Variants in SLC38A12 observed in about 807,000 individuals in gnomAD.
SLC38A12 encodes solute carrier family 38 member 12, also known as putative sodium-coupled neutral amino acid transporter 12.
At chr17:74,825,240 C>A in the SLC38A12 span, among the ~76,000 whole-genome samples, 1 of 152,252 alleles carries the variant, frequency 6.6e-6, no homozygotes, top group Non-Finnish European at 1.5e-5. Flanking sequence ...CAGCCCTGCC[C>A]ACCCTCCAAC....
the SLC38A12 span, among the ~76,000 whole-genome samples, chr17:74,825,471 G>A: frequency 3.3e-5 from 5 of 152,244 alleles, no homozygotes; most frequent in African/African-American, 9.6e-5. Flanking sequence ...GGTAATGAAC[G>A]CTTGCTGGCA....
the SLC38A12 span, among the ~76,000 whole-genome samples, chr17:74,781,666 C>T: frequency 4.6e-5 from 7 of 152,100 alleles, no homozygotes; most frequent in Admixed American, 2.0e-4. Context: ...AGGTTTTTTT[C>T]CCTTCATAAG....
At chr17:74,836,510 C>T in the SLC38A12 span, 26 of 1,612,338 alleles carry the variant, frequency 1.6e-5, no homozygotes, top group Middle Eastern at 3.3e-4. This position sits in a 1 kb window ranked among gnomAD's most constrained non-coding sequence, Gnocchi z 4.2. Flanking sequence ...ACGTCATCCC[C>T]GCCTTCCTGG....
At chr17:74,817,930 G>A in the SLC38A12 span, among the ~76,000 whole-genome samples, 2 of 152,072 alleles carry the variant, frequency 1.3e-5, no homozygotes, top group Non-Finnish European at 2.9e-5. Flanking sequence ...CAAACACCCG[G>A]GCACACCAGG....
At chr17:74,777,035 C>T in the SLC38A12 span, among the ~76,000 whole-genome samples, 46 of 152,148 alleles carry the variant, frequency 3.0e-4, 1 homozygote, top group South Asian at 8.3e-3. Flanking sequence ...TGAAAACATC[C>T]GTGCTGGGCA....
the SLC38A12 span, chr17:74,819,950 G>A: frequency 9.6e-7 from 1 of 1,037,038 alleles, no homozygotes; most frequent in African/African-American, 1.6e-5. Context: ...GAGTGTGGTG[G>A]TGGTTTCCAT....
chr17:74,813,533 A>G, the SLC38A12 span, among the ~76,000 whole-genome samples: 1 of 151,440 alleles, frequency 6.6e-6, no homozygotes. Flanking sequence ...TCTGTCACCC[A>G]GGCTGGAATG....
chr17:74,812,708 G>A, the SLC38A12 span, among the ~76,000 whole-genome samples: 3 of 152,264 alleles, frequency 2.0e-5, no homozygotes, highest in South Asian at 2.1e-4. Context: ...CGAGTGCTCC[G>A]TGGTCAGCTC....
chr17:74,836,564 G>A, the SLC38A12 span: 2 of 1,613,306 alleles, frequency 1.2e-6, no homozygotes, highest in Non-Finnish European at 1.7e-6. The surrounding 1 kb of genome is among the most constrained non-coding windows in gnomAD (Gnocchi z 4.2). Flanking sequence ...TTGGCTGTGG[G>A]GTCAGCAACA....
the SLC38A12 span, among the ~76,000 whole-genome samples, chr17:74,788,620 A>G: frequency 2.6e-5 from 4 of 152,228 alleles, no homozygotes; most frequent in African/African-American, 4.8e-5. Flanking sequence ...CAGCAACGTC[A>G]AAGCATGCAC....
At chr17:74,777,281 G>A in the SLC38A12 span, 2 of 1,612,274 alleles carry the variant, frequency 1.2e-6, no homozygotes, top group African/African-American at 1.3e-5. Context: ...GGCAGCCGCC[G>A]TCCTTGCACC....
the SLC38A12 span, chr17:74,837,006 C>G: frequency 8.8e-7 from 1 of 1,142,726 alleles, no homozygotes; most frequent in Non-Finnish European, 1.1e-6. Flanking sequence ...AACCCTACTT[C>G]CAGGGCGGGC....
chr17:74,824,396 C>T, the SLC38A12 span, among the ~76,000 whole-genome samples: 4 of 152,168 alleles, frequency 2.6e-5, no homozygotes, highest in Non-Finnish European at 4.4e-5. Flanking sequence ...ACAGGCCCAG[C>T]GCAGGGACTT....
the SLC38A12 span, among the ~76,000 whole-genome samples, chr17:74,777,902 G>A: frequency 3.3e-5 from 5 of 152,176 alleles, no homozygotes; most frequent in African/African-American, 4.8e-5. Flanking sequence ...CAAAAAGAGC[G>A]AAACTCTGTC....
the SLC38A12 span, chr17:74,836,084 C>G: frequency 6.2e-7 from 1 of 1,613,834 alleles, no homozygotes; most frequent in Non-Finnish European, 8.5e-7. This position sits in a 1 kb window ranked among gnomAD's most constrained non-coding sequence, Gnocchi z 4.2. Flanking sequence ...TCATTACCCC[C>G]GTCTCCTCCA....
chr17:74,794,699 C>T, the SLC38A12 span, among the ~76,000 whole-genome samples: 1 of 152,128 alleles, frequency 6.6e-6, no homozygotes, highest in Non-Finnish European at 1.5e-5. Context: ...CCTCCTCCCA[C>T]CCCAGCCATG....
chr17:74,787,360 C>A, the SLC38A12 span, among the ~76,000 whole-genome samples: 13 of 140,754 alleles, frequency 9.2e-5, no homozygotes, highest in African/African-American at 3.5e-4. Flanking sequence ...CGGTGGCTCA[C>A]ACCTGTAATC....
chr17:74,829,251 G>A, the SLC38A12 span, among the ~76,000 whole-genome samples: 1 of 152,246 alleles, frequency 6.6e-6, no homozygotes, highest in African/African-American at 2.4e-5. The surrounding 1 kb of genome is among the most constrained non-coding windows in gnomAD (Gnocchi z 4.1). Flanking sequence ...AGCCTCCCTA[G>A]TAGCTGGGAC....
At chr17:74,835,566 C>G in the SLC38A12 span, among the ~76,000 whole-genome samples, 1 of 152,188 alleles carries the variant, frequency 6.6e-6, no homozygotes, top group Non-Finnish European at 1.5e-5. Context: ...CCCTGAGAGC[C>G]CTGGGGGTCT....
Sources: allele counts gnomAD v4.1 joint callset (sites outside exome capture counted in the v4.1 genomes callset), GRCh38; gene constraint gnomAD v4.1.1; non-coding constraint Gnocchi (gnomAD v3.1); transcripts MANE v1.5; gene names NCBI Gene and HGNC (gene_info 2026-07-23, HGNC 2026-07-21).